MARCHF1: variants seen among roughly 807,000 people sequenced by gnomAD.
MARCHF1 encodes the protein membrane associated ring-CH-type finger 1, also known as E3 ubiquitin-protein ligase MARCHF1.
MARCHF1 carries 40 observed loss-of-function variants against 54.2 expected under a neutral mutation model. The ratio of observed to expected loss-of-function variants is 0.74; its 90% CI spans 0.57 to 0.96. The LOEUF (loss-of-function observed/expected upper bound fraction) is 0.96. MARCHF1 is among the 40% of genes least tolerant of loss of function. The pLI is 0.00. For synonymous variants in MARCHF1, 236 were observed against 236.3 expected, an observed-to-expected ratio of 1.00 and a Z score of 0.01; for missense variants, 586 against 656.5, an observed-to-expected ratio of 0.89 and a Z score of 1.17.
At chr4:163,912,069 T>G (rs201062524) in intron 3 of MARCHF1, among the ~76,000 whole-genome samples, 27,109 of 147,598 alleles carry the variant, frequency 0.18, 2,952 homozygotes, top group South Asian at 0.32. Context: ...TGCAGGGTTT[T>G]TTTTTTTTTT....
chr4:163,839,934 A>G (rs1053646140), intron 4 of MARCHF1, among the ~76,000 whole-genome samples: 3 of 152,142 alleles, frequency 2.0e-5, no homozygotes, highest in African/African-American at 2.4e-5. Flanking sequence ...GAAAAAGCCT[A>G]AAGTCTGTTC....
intron 1 of MARCHF1, among the ~76,000 whole-genome samples, chr4:164,283,526 G>T (rs950410610): frequency 6.6e-6 from 1 of 150,938 alleles, no homozygotes; most frequent in South Asian, 2.1e-4. Context: ...CAAGAGGGAG[G>T]TCTGGGGAAC....
intron 1 of MARCHF1, among the ~76,000 whole-genome samples, chr4:164,200,678 G>C (rs1286933216): frequency 6.6e-6 from 1 of 152,168 alleles, no homozygotes; most frequent in East Asian, 1.9e-4. Flanking sequence ...GTTTATAACA[G>C]TAAATAAGAG....
rs566867542 is a variant in MARCHF1 at position 164,101,180 on chromosome 4, C to T, written c.-248+10408G>A. ...TCAAACTGCAAGGCAGCAGCGAGGC[C>T]GGGGGAGGGGCACCCGCCATTGCCC... On this transcript the variant is annotated intron_variant, in intron 2 of 9. Transcript: ENST00000514618. Among the ~76,000 whole-genome samples, 507 of 152,202 alleles carry T rather than the reference C, an allele frequency of 3.3e-3. 2 individuals are homozygous for T. The highest frequency in any genetic ancestry group is 0.01 in the Middle Eastern group (3 of 292).
chr4:163,925,463 A>G lies in MARCHF1; in HGVS notation c.-39+63038T>C, dbSNP rs555913909. 1.4e-3 allele frequency among the ~76,000 whole-genome samples: 216 copies of G among 151,946 alleles called. 1 individual carries two copies. The Middle Eastern group carries it at 0.017, about 12-fold the overall frequency. Reference sequence around the variant, plus strand: ...TATGCAATAGTTATCTAACAATGGAAATAATTCTTTTAAATCAACCCATTG... The same window carrying G: ...TATGCAATAGTTATCTAACAATGGAGATAATTCTTTTAAATCAACCCATTG... On this transcript the variant is annotated intron_variant, in intron 3 of 9. Transcript: ENST00000514618.
chr4:164,344,155 T>C (rs761816693), intron 1 of MARCHF1, among the ~76,000 whole-genome samples: 2 of 152,116 alleles, frequency 1.3e-5, no homozygotes, highest in Non-Finnish European at 2.9e-5. Context: ...TTCTCACTTA[T>C]AAGTGGGAGC....
intron 4 of MARCHF1, among the ~76,000 whole-genome samples, chr4:163,790,643 T>A (rs914466487): frequency 6.6e-6 from 1 of 152,162 alleles, no homozygotes; most frequent in Non-Finnish European, 1.5e-5. Context: ...CTTGACTTTG[T>A]ATCTGCAGTA....
At chr4:164,244,522 A>G (rs1177074983) in intron 1 of MARCHF1, among the ~76,000 whole-genome samples, 1 of 140,316 alleles carries the variant, frequency 7.1e-6, no homozygotes, top group South Asian at 2.6e-4. Context: ...TCCAAAATTG[A>G]CACCCTAACA....
At chr4:164,092,566 G>T (rs370743157) in intron 2 of MARCHF1, among the ~76,000 whole-genome samples, 1 of 152,078 alleles carries the variant, frequency 6.6e-6, no homozygotes, top group African/African-American at 2.4e-5. Context: ...AGGGTGTAGT[G>T]GAAGTTGTTC....
At chr4:164,237,774 G>T (rs1278744789) in intron 1 of MARCHF1, among the ~76,000 whole-genome samples, 3 of 151,874 alleles carry the variant, frequency 2.0e-5, no homozygotes, top group Non-Finnish European at 4.4e-5. Context: ...GACAAACTAT[G>T]ACATGAAAAC....
At chr4:163,813,280 C>T (rs1328327983) in intron 4 of MARCHF1, among the ~76,000 whole-genome samples, 2 of 152,168 alleles carry the variant, frequency 1.3e-5, no homozygotes, top group East Asian at 3.8e-4. Flanking sequence ...TTTGTCTTAA[C>T]TCAAAAATAT....
chr4:164,198,089 T>C (rs923552810), intron 1 of MARCHF1, among the ~76,000 whole-genome samples: 11 of 152,330 alleles, frequency 7.2e-5, no homozygotes, highest in African/African-American at 2.4e-4. Context: ...TTTGAATCTA[T>C]AGACTAGGTT....
intron 2 of MARCHF1, among the ~76,000 whole-genome samples, chr4:164,105,525 T>C (rs1197089312): frequency 5.2e-5 from 6 of 114,732 alleles, no homozygotes; most frequent in Admixed American, 2.7e-4. Context: ...AAGGATTCCC[T>C]ATTTAATAAA....
intron 2 of MARCHF1, among the ~76,000 whole-genome samples, chr4:164,005,252 A>C (rs751645166): frequency 2.0e-4 from 30 of 152,194 alleles, no homozygotes; most frequent in Non-Finnish European, 3.4e-4. Context: ...AAAGTGAAAC[A>C]CGAAAACAAA....
chr4:163,697,427 G>A (rs1744670176), intron 5 of MARCHF1, among the ~76,000 whole-genome samples: 2 of 152,122 alleles, frequency 1.3e-5, no homozygotes, highest in African/African-American at 4.8e-5. Flanking sequence ...ACTCTTCTGT[G>A]CACTGTTAGT....
chr4:163,557,371 A>T (rs115678431), intron 8 of MARCHF1, among the ~76,000 whole-genome samples: 3 of 152,144 alleles, frequency 2.0e-5, no homozygotes, highest in Non-Finnish European at 4.4e-5. Flanking sequence ...GTTTTCCTCT[A>T]ATTAGACAGC....
At chr4:163,846,289 T>A (rs1380589973) in intron 4 of MARCHF1, among the ~76,000 whole-genome samples, 2 of 152,124 alleles carry the variant, frequency 1.3e-5, no homozygotes, top group African/African-American at 4.8e-5. Flanking sequence ...CTAAAAGAAA[T>A]AAGGGTGAGT....
At chr4:163,643,138 C>G (rs970833759) in intron 5 of MARCHF1, among the ~76,000 whole-genome samples, 2 of 143,324 alleles carry the variant, frequency 1.4e-5, no homozygotes, top group Non-Finnish European at 3.0e-5. Flanking sequence ...CATGGTAAAA[C>G]CCTGTATCTA....
At chr4:163,780,866 G>A (rs866641437) in intron 4 of MARCHF1, among the ~76,000 whole-genome samples, 3 of 152,262 alleles carry the variant, frequency 2.0e-5, no homozygotes, top group South Asian at 4.1e-4. Context: ...CAAAAAGAGT[G>A]CCACCTCACA....
Sources: gnomAD v4.1 joint callset for allele counts (sites outside exome capture counted in the v4.1 genomes callset) on GRCh38, gnomAD v4.1.1 for gene constraint, MANE v1.5 for transcripts, NCBI Gene and HGNC (gene_info 2026-07-23, HGNC 2026-07-21) for gene names.